The following ZNF366 variants were observed in gnomAD, a reference collection of about 807,000 sequenced individuals.
The protein encoded by ZNF366 is dendritic cell-specific transcript protein.
In ZNF366, 20 loss-of-function variants were observed where a neutral mutation model predicts 47.2. That is an observed-to-expected ratio of 0.42 (90% CI 0.30 to 0.62). The LOEUF is 0.62. ZNF366 is among the 20% of genes least tolerant of loss of function. The probability of loss-of-function intolerance (pLI) is 0.16; values close to 1 mark genes in which losing one functional copy is unlikely to be tolerated. For synonymous variants in ZNF366, 421 were observed against 395.1 expected (o/e 1.07, Z -0.78); for missense variants, 987 against 976.3 (o/e 1.01, Z -0.15).
At chr5:72,507,048 C>T (rs896196294) in intron 1 of ZNF366, among the ~76,000 whole-genome samples, 1 of 152,202 alleles carries the variant, frequency 6.6e-6, no homozygotes, top group African/African-American at 2.4e-5. Context: ...AATTCTATTT[C>T]TAGTTTTGCC....
Position 72,456,435 on chromosome 5 carries a change from A to ACGAT in ZNF366, c.1489_1492dup (p.Val498AspfsTer5), listed in dbSNP as rs901278080. On this transcript the variant is annotated frameshift_variant, in exon 3 of 5. Transcript: ENST00000318442. LOFTEE classifies it high-confidence loss of function. ...TTTGAAAGGCTTCACGTCAGAGTGG[A>ACGAT]CGATCATGTGTGCCTTGAGGGTCTG... 6.2e-7 allele frequency: 1 copy of ACGAT among 1,611,914 alleles called. No homozygotes were observed. Among genetic ancestry groups the ACGAT allele is most frequent in the Non-Finnish European group, 8.5e-7 (1 of 1,178,400 alleles).
chr5:72,466,140 C>G (rs1471864532), intron 1 of ZNF366, among the ~76,000 whole-genome samples: 1 of 152,168 alleles, frequency 6.6e-6, no homozygotes, highest in Admixed American at 6.5e-5. Context: ...TTAACCACGA[C>G]TTTACCCATT....
rs1200649608 is a variant in ZNF366 at position 72,442,005 on chromosome 5, G to A, written c.*1751C>T. The A allele has an allele frequency of 2.6e-5, 4 of 151,318 alleles. No homozygotes were observed. Among genetic ancestry groups the A allele is most frequent in the Non-Finnish European group, 5.9e-5 (4 of 67,948 alleles). 9.4% of individuals were successfully genotyped at this position (151,318 alleles called of 1,614,324 possible). A position where few individuals can be genotyped will look rare whatever the true frequency, so the allele number is the denominator to read the frequency against. ...TCCACTCACTGGCATCATGGTTCAA[G>A]CATCTGGGAAGAAATAATGAGTCAC... On this transcript the variant is annotated 3_prime_UTR_variant, in exon 5 of 5. Coordinates refer to ENST00000318442, the MANE Select transcript of ZNF366 (RefSeq NM_152625.3).
At chr5:72,505,357 T>G (rs115077473) in intron 1 of ZNF366, among the ~76,000 whole-genome samples, 9 of 152,362 alleles carry the variant, frequency 5.9e-5, no homozygotes, top group Non-Finnish European at 1.2e-4. Flanking sequence ...AAGAAATATT[T>G]TCACAGCAAT....
At chr5:72,447,517 GAC>G in intron 3 of ZNF366, 100 bp from the exon 4 acceptor site, 1 of 1,401,550 alleles carries the variant, frequency 7.1e-7, no homozygotes, top group Non-Finnish European at 9.8e-7. Flanking sequence ...TTTGGACATT[GAC>G]ATTTTAATCT....
intron 1 of ZNF366, among the ~76,000 whole-genome samples, chr5:72,471,160 G>A (rs72761187): frequency 0.026 from 3,952 of 152,252 alleles, 101 homozygotes; most frequent in African/African-American, 0.059. Context: ...ATGCTCATTC[G>A]CTTTGTGGAA....
At chr5:72,493,996 C>A (rs915213690) in intron 1 of ZNF366, among the ~76,000 whole-genome samples, 12 of 144,398 alleles carry the variant, frequency 8.3e-5, no homozygotes, top group Non-Finnish European at 1.5e-4. Context: ...CAGTCTCGAA[C>A]TCCTGACCTT....
intron 1 of ZNF366, among the ~76,000 whole-genome samples, chr5:72,496,997 A>T (rs1744125164): frequency 6.6e-6 from 1 of 152,152 alleles, no homozygotes; most frequent in Non-Finnish European, 1.5e-5. Context: ...AGAGTTTTAA[A>T]ATATGTATAA....
Position 72,456,377 on chromosome 5 carries a change from T to C in ZNF366, c.1524+27A>G, listed in dbSNP as rs770572302. 8.9e-6 allele frequency: 14 copies of C among 1,575,580 alleles called. No homozygotes were observed. In the Admixed American group the frequency reaches 2.0e-4, roughly 23 times the overall value. ...CCCATCAGGCATTTGCACAACCCTC[T>C]GGTTCCTCTCTAGTCCCACTGCCCA... On this transcript the variant is annotated intron_variant, in intron 3 of 4. Coordinates refer to ENST00000318442, the MANE Select transcript of ZNF366 (RefSeq NM_152625.3).
chr5:72,468,324 C>T (rs1743476117), intron 1 of ZNF366, among the ~76,000 whole-genome samples: 1 of 152,128 alleles, frequency 6.6e-6, no homozygotes, highest in South Asian at 2.1e-4. Flanking sequence ...GCCCTTCTGG[C>T]CCCCATTTAA....
chr5:72,479,750 C>A lies in ZNF366; in HGVS notation c.-14-18240G>T, dbSNP rs543410049. ...TTAGACAAAATACACAGGATCATAT[C>A]TGGCTTATTTAAGTTGCATGAGTGT... On this transcript the variant is annotated intron_variant, in intron 1 of 4. Coordinates refer to ENST00000318442, the MANE Select transcript of ZNF366 (RefSeq NM_152625.3). Among the ~76,000 whole-genome samples the A allele has an allele frequency of 9.2e-5, 14 of 152,298 alleles. No homozygotes were observed. In the South Asian group the frequency reaches 2.3e-3, roughly 25 times the overall value.
intron 3 of ZNF366, among the ~76,000 whole-genome samples, chr5:72,455,109 C>A (rs192282662): frequency 6.6e-6 from 1 of 152,110 alleles, no homozygotes; most frequent in Non-Finnish European, 1.5e-5. Flanking sequence ...ACTTTCGAAC[C>A]ACTGGGAATA....
chr5:72,460,098 G>A, intron 2 of ZNF366, 67 bp downstream of exon 2: 1 of 1,556,878 alleles, frequency 6.4e-7, no homozygotes, highest in South Asian at 1.2e-5. Context: ...CTGCTCCCCA[G>A]TGCTCTGCTC....
intron 1 of ZNF366, among the ~76,000 whole-genome samples, chr5:72,492,707 CA>C (rs1452185936): frequency 6.6e-6 from 1 of 152,212 alleles, no homozygotes; most frequent in Non-Finnish European, 1.5e-5. Context: ...GCTAGCTAAA[CA>C]TTGAGCCTGC....
intron 4 of ZNF366, among the ~76,000 whole-genome samples, chr5:72,445,037 C>T (rs776817876): frequency 2.0e-5 from 3 of 152,200 alleles, no homozygotes; most frequent in African/African-American, 7.2e-5. Context: ...AGACACCACC[C>T]CTGACTGTGG....
At chr5:72,484,346 T>C (rs1428840856) in intron 1 of ZNF366, among the ~76,000 whole-genome samples, 6 of 149,688 alleles carry the variant, frequency 4.0e-5, no homozygotes, top group Admixed American at 2.0e-4. Context: ...TAGCCGGGCG[T>C]AGTGGCGGGC....
At chr5:72,488,398 A>G (rs1404301778) in intron 1 of ZNF366, among the ~76,000 whole-genome samples, 1 of 152,118 alleles carries the variant, frequency 6.6e-6, no homozygotes, top group East Asian at 1.9e-4. Flanking sequence ...GGAATTTGGG[A>G]ACATCCCTTT....
intron 1 of ZNF366, among the ~76,000 whole-genome samples, chr5:72,503,396 A>G (rs1452966565): frequency 3.3e-5 from 5 of 152,198 alleles, no homozygotes; most frequent in African/African-American, 1.2e-4. Flanking sequence ...AATGCCATCC[A>G]GAAGAAGACG....
intron 3 of ZNF366, among the ~76,000 whole-genome samples, chr5:72,448,586 C>T (rs916672370): frequency 6.6e-6 from 1 of 152,166 alleles, no homozygotes; most frequent in East Asian, 1.9e-4. Context: ...CCTCCCCAAC[C>T]TCAGAGGCCA....
Sources: gnomAD v4.1 joint callset for allele counts (sites outside exome capture counted in the v4.1 genomes callset) on GRCh38, gnomAD v4.1.1 for gene constraint, MANE v1.5 for transcripts, NCBI Gene and HGNC (gene_info 2026-07-23, HGNC 2026-07-21) for gene names.